The following ADAMTS19 variants were observed in gnomAD, a reference collection of about 807,000 sequenced individuals.
The protein encoded by ADAMTS19 is A disintegrin and metalloproteinase with thrombospondin motifs 19.
ADAMTS19 carries 93 observed loss-of-function variants against 153.3 expected under a neutral mutation model. The ratio of observed to expected loss-of-function variants is 0.61; its 90% confidence interval spans 0.51 to 0.72. The LOEUF (loss-of-function observed/expected upper bound fraction) is 0.72. Among genes scored for constraint, ADAMTS19 ranks in the 30% least tolerant of loss-of-function variants. ADAMTS19 has a pLI of 0.00. For synonymous variants in ADAMTS19, 600 were observed against 556.6 expected (o/e 1.08, Z -1.10); for missense variants, 1,482 against 1,552.1 (o/e 0.95, Z 0.76).
At chr5:129,607,960 C>T (rs1314964564) in intron 8 of ADAMTS19, among the ~76,000 whole-genome samples, 1 of 144,380 alleles carries the variant, frequency 6.9e-6, no homozygotes, top group Admixed American at 6.9e-5. Flanking sequence ...TATATATACA[C>T]ACACATATAT....
At chr5:129,629,682 T>C (rs1248708448) in intron 10 of ADAMTS19, among the ~76,000 whole-genome samples, 2 of 152,118 alleles carry the variant, frequency 1.3e-5, no homozygotes, top group Non-Finnish European at 2.9e-5. Flanking sequence ...CAGGCAATAA[T>C]AGCTCACTCT....
chr5:129,607,231 A>C (rs895232934), intron 8 of ADAMTS19, among the ~76,000 whole-genome samples: 1 of 152,166 alleles, frequency 6.6e-6, no homozygotes, highest in African/African-American at 2.4e-5. Flanking sequence ...TCCACTTTTA[A>C]GTCTCTTACA....
chr5:129,683,820 T>C (rs950146598), intron 17 of ADAMTS19, among the ~76,000 whole-genome samples: 1 of 150,114 alleles, frequency 6.7e-6, no homozygotes, highest in African/African-American at 2.5e-5. Context: ...GTCCATCAAA[T>C]TGAAAGAAAA....
At chr5:129,654,279 A>T in intron 13 of ADAMTS19, 27 bp from the exon 14 acceptor site, 1 of 1,553,132 alleles carries the variant, frequency 6.4e-7, no homozygotes, top group Admixed American at 2.2e-5. Context: ...ACTTTTTCTC[A>T]TTTCTTTTTA....
At chr5:129,652,114 A>G (rs997015747) in intron 13 of ADAMTS19, among the ~76,000 whole-genome samples, 2 of 152,210 alleles carry the variant, frequency 1.3e-5, no homozygotes, top group African/African-American at 4.8e-5. Flanking sequence ...TGACTCTTAC[A>G]AAGTGATGTA....
chr5:129,566,957 C>A (rs1753738337), intron 7 of ADAMTS19, among the ~76,000 whole-genome samples: 1 of 64,826 alleles, frequency 1.5e-5, no homozygotes, highest in Middle Eastern at 7.0e-3. Flanking sequence ...TAACTAACTC[C>A]ATACTTTCTG....
At chr5:129,630,311 A>C (rs1190296315) in intron 10 of ADAMTS19, among the ~76,000 whole-genome samples, 1 of 152,100 alleles carries the variant, frequency 6.6e-6, no homozygotes, top group African/African-American at 2.4e-5. Flanking sequence ...ATTTGGATTT[A>C]AAAAAGGCTT....
In ADAMTS19 at chr5:129,568,165, A is replaced by T. The variant is rs147221437; in HGVS notation, c.1372+16258A>T. On this transcript the variant is annotated intron_variant, in intron 7 of 22. Coordinates refer to ENST00000274487, the MANE Select transcript of ADAMTS19 (RefSeq NM_133638.6). ...AAGTAGTTCTAACAGAAGGGAAATG[A>T]TACTTAAAGGAAACTTGGAACATCA... Among the ~76,000 whole-genome samples the T allele has an allele frequency of 7.1e-3, 1,074 of 152,338 alleles. 13 individuals are homozygous for T. Among genetic ancestry groups the T allele is most frequent in the African/African-American group, 0.025 (1,019 of 41,582 alleles).
chr5:129,615,209 A>G (rs1430898711), intron 8 of ADAMTS19, among the ~76,000 whole-genome samples: 6 of 152,150 alleles, frequency 3.9e-5, no homozygotes, highest in Admixed American at 2.6e-4. Context: ...ATGGAACCAA[A>G]AAAGAGCCCA....
chr5:129,584,591 GC>G (rs2126892938), intron 7 of ADAMTS19, among the ~76,000 whole-genome samples: 1 of 152,338 alleles, frequency 6.6e-6, no homozygotes, highest in South Asian at 2.1e-4. Context: ...GAGATGCCCT[GC>G]CTAGAGACGA....
intron 6 of ADAMTS19, among the ~76,000 whole-genome samples, chr5:129,548,879 A>G (rs917130616): frequency 6.6e-6 from 1 of 151,752 alleles, no homozygotes; most frequent in Non-Finnish European, 1.5e-5. Flanking sequence ...CTTTATAGGG[A>G]CATGGATGAA....
intron 8 of ADAMTS19, among the ~76,000 whole-genome samples, chr5:129,608,307 G>A (rs1167869919): frequency 2.0e-5 from 3 of 151,630 alleles, no homozygotes; most frequent in Non-Finnish European, 2.9e-5. Context: ...CAAACTCATA[G>A]TAACAGAAGA....
intron 2 of ADAMTS19, among the ~76,000 whole-genome samples, chr5:129,497,675 C>T (rs1750970093): frequency 6.6e-6 from 1 of 152,076 alleles, no homozygotes; most frequent in Admixed American, 6.6e-5. Flanking sequence ...TCTTCTGTGC[C>T]ACTGTTCCCC....
intron 3 of ADAMTS19, among the ~76,000 whole-genome samples, chr5:129,516,236 C>A (rs562305525): frequency 1.4e-5 from 2 of 145,874 alleles, no homozygotes; most frequent in African/African-American, 5.0e-5. Flanking sequence ...AAATATTAGC[C>A]TGTAGTTTTT....
intron 2 of ADAMTS19, among the ~76,000 whole-genome samples, chr5:129,476,208 A>C (rs542892643): frequency 6.6e-6 from 1 of 152,272 alleles, no homozygotes; most frequent in South Asian, 2.1e-4. Context: ...CTGGTAGTCC[A>C]TATTACAGTA....
In ADAMTS19 at chr5:129,620,662, G is replaced by T; in HGVS notation, c.1523G>T (p.Gly508Val). 2 of 1,612,514 alleles carry T rather than the reference G, an allele frequency of 1.2e-6. No homozygotes were observed. The highest frequency in any genetic ancestry group is 1.7e-6 in the Non-Finnish European group (2 of 1,178,966). Reference sequence around the variant, plus strand: ...AATGACCACCCATCGTGTGCTGATGGTCTTCATATCATGTCTGGTGAATGG... The same window carrying T: ...AATGACCACCCATCGTGTGCTGATGTTCTTCATATCATGTCTGGTGAATGG... The part of the protein sequence containing the change: ...HDNDHPSCAD[G>V]LHIMSGEWIK... The change falls in exon 9 of 23, where the codon GGT becomes GTT. Residue 508 changes from glycine to valine, a missense_variant. Transcript: ENST00000274487.
chr5:129,685,523 CATT>C lies in ADAMTS19; in HGVS notation c.2818+1253_2818+1255del, dbSNP rs1371597363. Among the ~76,000 whole-genome samples, 4 of 152,014 alleles carry C rather than the reference CATT, an allele frequency of 2.6e-5. No homozygotes were observed. The East Asian group carries it at 5.8e-4, about 22-fold the overall frequency. ...TTGTTATACTTAAATATATTATAGTCATTATATTTTATAAATGAAATATATTTG... is the reference window on the plus strand; with the variant it reads ...TTGTTATACTTAAATATATTATAGTCATATTTTATAAATGAAATATATTTG... On this transcript the variant is annotated intron_variant, in intron 18 of 22. Coordinates refer to ENST00000274487, the MANE Select transcript of ADAMTS19 (RefSeq NM_133638.6).
intron 21 of ADAMTS19, among the ~76,000 whole-genome samples, chr5:129,726,048 G>C (rs1419044817): frequency 2.6e-5 from 4 of 152,120 alleles, no homozygotes; most frequent in Non-Finnish European, 5.9e-5. Context: ...GTGTCTTGTT[G>C]TTTGTCTACG....
intron 10 of ADAMTS19, among the ~76,000 whole-genome samples, chr5:129,623,314 CTT>C (rs199750983): frequency 6.6e-6 from 1 of 151,246 alleles, no homozygotes; most frequent in African/African-American, 2.4e-5. Flanking sequence ...CTCTAGTAAC[CTT>C]TTTTTTTCTT....
Sources: allele counts gnomAD v4.1 joint callset (sites outside exome capture counted in the v4.1 genomes callset), GRCh38; gene constraint gnomAD v4.1.1; transcripts MANE v1.5; gene names NCBI Gene and HGNC (gene_info 2026-07-23, HGNC 2026-07-21).